ADK: variants seen among roughly 807,000 people sequenced by gnomAD.
The protein encoded by ADK is adenosine kinase.
ADK carries 24 observed loss-of-function variants against 44.7 expected under a neutral mutation model. The ratio of observed to expected loss-of-function variants is 0.54; its 90% confidence interval spans 0.39 to 0.76. The LOEUF is 0.76. Ranked by LOEUF, ADK falls within the 30% of genes least tolerant of loss-of-function variation. The probability of loss-of-function intolerance (pLI) is 0.00; values close to 1 mark genes in which losing one functional copy is unlikely to be tolerated. For missense variants in ADK, 321 were observed against 425.1 expected (o/e 0.76, Z 2.15); for synonymous variants, 128 against 142.6 (o/e 0.90, Z 0.73).
At chr10:74,321,480 T>G (rs1840806560) in intron 4 of ADK, among the ~76,000 whole-genome samples, 1 of 152,048 alleles carries the variant, frequency 6.6e-6, no homozygotes, top group Non-Finnish European at 1.5e-5. Flanking sequence ...GATTGGGTTT[T>G]GCCATATTAA....
intron 7 of ADK, among the ~76,000 whole-genome samples, chr10:74,578,040 C>T (rs1851254905): frequency 1.3e-5 from 2 of 151,832 alleles, no homozygotes; most frequent in South Asian, 4.2e-4. Flanking sequence ...GAGGATGAGA[C>T]TTATAGTGGC....
intron 7 of ADK, among the ~76,000 whole-genome samples, chr10:74,581,278 T>C (rs1851365851): frequency 6.6e-6 from 1 of 151,822 alleles, no homozygotes. Context: ...TTTCTAGAAA[T>C]AAAAAATACC....
intron 9 of ADK, among the ~76,000 whole-genome samples, chr10:74,605,862 C>T (rs1012118259): frequency 2.0e-5 from 3 of 152,124 alleles, no homozygotes; most frequent in East Asian, 1.9e-4. Flanking sequence ...GTTGTGAATC[C>T]GTCTGCTCCT....
chr10:74,650,590 G>A (rs1455400663), intron 9 of ADK, among the ~76,000 whole-genome samples: 2 of 152,158 alleles, frequency 1.3e-5, no homozygotes, highest in Admixed American at 1.3e-4. Context: ...CAGCCTGTCA[G>A]TACATTAAAA....
rs10550667 is a variant in ADK, at chr10:74,162,521, T to TTGTGTGTG, written c.65+11213_65+11220dup. Among the ~76,000 whole-genome samples, 243 of 141,978 alleles carry TTGTGTGTG rather than the reference T, an allele frequency of 1.7e-3. 1 individual carries two copies. Among genetic ancestry groups the TTGTGTGTG allele is most frequent in the African/African-American group, 5.2e-3 (197 of 38,112 alleles). The allele number at this position is 141,978 out of a possible 152,430, so 93.1% of individuals were successfully genotyped here. ...AAAGGTACTCCCGATTGCATTTCTT[T>TTGTGTGTG]TGTGTGTGTGTGTGTGTGTGTGTGT... On this transcript the variant is annotated intron_variant, in intron 1 of 10. Coordinates refer to ENST00000539909, the MANE Select transcript of ADK (RefSeq NM_006721.4).
chr10:74,397,394 GA>G (rs1172207026), intron 5 of ADK, among the ~76,000 whole-genome samples: 1 of 151,644 alleles, frequency 6.6e-6, no homozygotes, highest in African/African-American at 2.4e-5. Flanking sequence ...AATTTAATTA[GA>G]AAAAGAGAAA....
chr10:74,296,488 A>G (rs1231465215), intron 3 of ADK, among the ~76,000 whole-genome samples: 1 of 152,172 alleles, frequency 6.6e-6, no homozygotes, highest in Admixed American at 6.5e-5. Context: ...AATCAGTAAT[A>G]AGTAGTATGG....
At chr10:74,448,721 A>G (rs1845670983) in intron 6 of ADK, among the ~76,000 whole-genome samples, 1 of 152,148 alleles carries the variant, frequency 6.6e-6, no homozygotes, top group South Asian at 2.1e-4. Flanking sequence ...GCTGACATTT[A>G]GGCCAAGAAT....
intron 6 of ADK, among the ~76,000 whole-genome samples, chr10:74,456,608 A>G (rs1478709100): frequency 1.4e-5 from 2 of 139,608 alleles, no homozygotes; most frequent in African/African-American, 5.4e-5. Context: ...CGGAGCTTGC[A>G]GTGAGCCGAG....
chr10:74,541,935 A>G (rs1849655903), intron 7 of ADK, among the ~76,000 whole-genome samples: 1 of 151,762 alleles, frequency 6.6e-6, no homozygotes, highest in South Asian at 2.1e-4. Context: ...GGCCCAGTTT[A>G]TTCACTTCAA....
chr10:74,545,589 C>G (rs1849795511), intron 7 of ADK, among the ~76,000 whole-genome samples: 1 of 152,136 alleles, frequency 6.6e-6, no homozygotes, highest in Non-Finnish European at 1.5e-5. Context: ...ACTGGTTCCT[C>G]CTGTCTTTAA....
intron 4 of ADK, among the ~76,000 whole-genome samples, chr10:74,350,661 A>T (rs1375216802): frequency 1.3e-5 from 2 of 152,202 alleles, no homozygotes; most frequent in Non-Finnish European, 2.9e-5. Context: ...AAATAGATAG[A>T]CTACTAGCTA....
At chr10:74,461,882 A>T (rs1423743750) in intron 6 of ADK, among the ~76,000 whole-genome samples, 1 of 152,072 alleles carries the variant, frequency 6.6e-6, no homozygotes, top group Non-Finnish European at 1.5e-5. Context: ...TGGCCAGTTA[A>T]CTAAAAATAA....
At chr10:74,298,852 G>C (rs1162441513) in intron 3 of ADK, among the ~76,000 whole-genome samples, 6 of 152,322 alleles carry the variant, frequency 3.9e-5, no homozygotes, top group Non-Finnish European at 8.8e-5. Context: ...GCTGAGATGG[G>C]AGGATCCGTT....
chr10:74,463,466 A>G (rs1487836627), intron 6 of ADK, among the ~76,000 whole-genome samples: 1 of 152,116 alleles, frequency 6.6e-6, no homozygotes, highest in African/African-American at 2.4e-5. Context: ...ACAATTCACA[A>G]TAGGGTTCGC....
chr10:74,219,384 C>A (rs1004824799), intron 2 of ADK, among the ~76,000 whole-genome samples: 6 of 152,150 alleles, frequency 3.9e-5, no homozygotes, highest in African/African-American at 1.4e-4. Flanking sequence ...CCTGAGTGAC[C>A]TACAAAGAGA....
intron 6 of ADK, among the ~76,000 whole-genome samples, chr10:74,401,211 G>C (rs1843696481): frequency 6.6e-6 from 1 of 152,134 alleles, no homozygotes; most frequent in Non-Finnish European, 1.5e-5. Context: ...CTTAGAATCA[G>C]ATTGGGATAT....
chr10:74,452,492 A>G (rs573843430), intron 6 of ADK, among the ~76,000 whole-genome samples: 2 of 152,182 alleles, frequency 1.3e-5, no homozygotes, highest in East Asian at 1.9e-4. Flanking sequence ...TGATATAAAA[A>G]CACAATCCTT....
intron 7 of ADK, chr10:74,529,258 C>T (rs1849185098): frequency 6.6e-6 from 1 of 151,934 alleles, no homozygotes; most frequent in Admixed American, 6.6e-5. Flanking sequence ...ACACATCAGA[C>T]AATTATTGGA....
Sources: allele counts gnomAD v4.1 joint callset (sites outside exome capture counted in the v4.1 genomes callset), GRCh38; gene constraint gnomAD v4.1.1; transcripts MANE v1.5; gene names NCBI Gene and HGNC (gene_info 2026-07-23, HGNC 2026-07-21).